The following IQCN variants were observed in gnomAD, a reference collection of about 807,000 sequenced individuals.
The protein encoded by IQCN is IQ motif containing N.
IQCN carries 46 observed loss-of-function variants against 64.4 expected under a neutral mutation model. The ratio of observed to expected loss-of-function variants is 0.71; its 90% confidence interval spans 0.56 to 0.91. The LOEUF is 0.91. Ranked by LOEUF, IQCN falls within the 40% of genes least tolerant of loss-of-function variation. The pLI is 0.00. For missense variants in IQCN, 1,753 were observed against 1,857.4 expected, an observed-to-expected ratio of 0.94 and a Z score of 1.03; for synonymous variants, 733 against 775.6, an observed-to-expected ratio of 0.95 and a Z score of 0.91.
In IQCN at chr19:18,264,830, G is replaced by A. The variant is rs1263762051; in HGVS notation, c.2710C>T (p.Gln904Ter). 5 of 1,572,396 alleles carry A rather than the reference G, an allele frequency of 3.2e-6. No individual in the cohort carries two copies. The highest frequency in any genetic ancestry group is 3.5e-6 in the Non-Finnish European group (4 of 1,158,836). The change falls in exon 3 of 4, where the codon CAG becomes TAG. Residue 904 changes from glutamine (Q) to a stop codon, truncating the protein, a stop_gained. Transcript: ENST00000392413. LOFTEE classifies it high-confidence loss of function. The surrounding 1 kb of genome is among the most constrained non-coding windows in gnomAD (Gnocchi z 4.3). ...LRTLLAKALSQGEVWAALNQA... is the reference protein window; with the variant it reads ...LRTLLAKALS ...TTCAGAGCTGCCCAGACTTCTCCCT[G>A]GGAGAGGGCTTTGGCCAACAGAGTG...
At position 18,266,971 on chromosome 19, in the gene IQCN, T is replaced by C. The variant is rs756118445; in HGVS notation, c.569A>G (p.Lys190Arg). 3 of 1,613,864 alleles carry C rather than the reference T, an allele frequency of 1.9e-6. No individual in the cohort carries two copies. The highest frequency in any genetic ancestry group is 1.7e-5 in the Admixed American group (1 of 60,014). Residue 190 changes from lysine (K) to arginine (R), a missense_variant, in exon 3 of 4, where the codon AAG becomes AGG. Lys to Arg is a conservative substitution (Grantham distance 26). Coordinates refer to ENST00000392413, the MANE Select transcript of IQCN (RefSeq NM_001145304.2). The surrounding 1 kb of genome is among the most constrained non-coding windows in gnomAD (Gnocchi z 4.3). ...GTCACAGGAAGGGAACTGGGTCTCC[T>C]TGTTCACCATGATGGGCGGGGACAG... ...RLLSPPIMVN[K>R]ETQFPSCDNL...
At position 18,265,311 on chromosome 19, in the gene IQCN, C is replaced by T. The variant is rs768422460; in HGVS notation, c.2229G>A (p.Gln743=). Residue 743 remains glutamine, a synonymous_variant, in exon 3 of 4, where the codon CAG becomes CAA. Transcript: ENST00000392413. This position sits in a 1 kb window ranked among gnomAD's most constrained non-coding sequence, Gnocchi z 4.7. ...APLATCLTKT[Q]SRGQPITDIT... is the part of the protein sequence containing the mutation. Reference sequence around the variant, plus strand: ...TGTCTGTGATCGGCTGCCCCCGGGACTGCGTCTTGGTCAGACAGGTGGCTA... The same window carrying T: ...TGTCTGTGATCGGCTGCCCCCGGGATTGCGTCTTGGTCAGACAGGTGGCTA... 2 of 1,614,182 alleles carry T rather than the reference C, an allele frequency of 1.2e-6. No homozygotes were observed. The highest frequency in any genetic ancestry group is 1.1e-5 in the South Asian group (1 of 91,080).
chr19:18,258,252 C>A, intron 3 of IQCN, 146 bp from the exon 4 acceptor site: 1 of 856,824 alleles, frequency 1.2e-6, no homozygotes, highest in Non-Finnish European at 1.9e-6. Flanking sequence ...TAGAGACACC[C>A]TCCGAACTCC....
In IQCN at chr19:18,257,335, G is replaced by A. The variant is rs192651551; in HGVS notation, c.3949C>T (p.Arg1317Cys). The A allele has an allele frequency of 1.1e-5, 17 of 1,613,126 alleles. No homozygotes were observed. Among genetic ancestry groups the A allele is most frequent in the East Asian group, 6.7e-5 (3 of 44,882 alleles). Residue 1317 changes from arginine (R) to cysteine (C), a missense_variant, in exon 4 of 4, where the codon CGC becomes TGC. Arg to Cys is a radical substitution (Grantham distance 180, BLOSUM62 -3). Coordinates refer to ENST00000392413, the MANE Select transcript of IQCN (RefSeq NM_001145304.2). Reference sequence around the variant, plus strand: ...ATTTGCTGCTGCCTCATCTGCTGGCGGATCTTAAAGCCCCTCCAGGCGGAC... The same window carrying A: ...ATTTGCTGCTGCCTCATCTGCTGGCAGATCTTAAAGCCCCTCCAGGCGGAC... ...IQSAWRGFKI[R>C]QQMRQQQMAA... is the part of the protein sequence containing the mutation.
rs562281652 is a variant in IQCN at position 18,258,036 on chromosome 19, G to A, written c.3248C>T (p.Ala1083Val). 1.3e-5 allele frequency: 21 copies of A among 1,612,682 alleles called. No individual in the cohort carries two copies. Among genetic ancestry groups the A allele is most frequent in the African/African-American group, 6.7e-5 (5 of 75,048 alleles). ...NRAWEPARGA[A>V]SWDTWRNKAV... is the part of the protein sequence containing the mutation. ...CTTGTTGCGCCAGGTGTCCCAGGAC[G>A]CAGCACCCCTGGCTGGCTCCCATGC... Residue 1083 changes from alanine to valine, a missense_variant, in exon 4 of 4, where the codon GCG becomes GTG. Ala to Val is a moderately conservative substitution (Grantham distance 64, BLOSUM62 0). Coordinates refer to ENST00000392413, the MANE Select transcript of IQCN (RefSeq NM_001145304.2).
chr19:18,265,024 G>T lies in IQCN; in HGVS notation c.2516C>A (p.Thr839Asn). Residue 839 changes from threonine (T) to asparagine (N), a missense_variant, in exon 3 of 4, where the codon ACC (threonine) becomes AAC (asparagine). Physicochemically the swap from Thr to Asn is moderately conservative, Grantham distance 65. Transcript: ENST00000392413. This position sits in a 1 kb window ranked among gnomAD's most constrained non-coding sequence, Gnocchi z 4.7. The stretch of plus-strand genomic sequence containing the variant: ...CTCAACGTTGCATGTGGAATGGCCG[G>T]TGGGTGCCATCGGCGGCACCAGCAT... ...QGMLVPPMAP[T>N]GHSTCNVESW... 6.2e-7 allele frequency: 1 copy of T among 1,602,946 alleles called. No homozygotes were observed.
rs148731495 is a variant in IQCN, at chr19:18,257,986, C to T, written c.3298G>A (p.Gly1100Arg). Residue 1100 changes from glycine to arginine, a missense_variant, in exon 4 of 4, where the codon GGG becomes AGG. Physicochemically the swap from Gly to Arg is moderately radical, Grantham distance 125 (BLOSUM62 -2). Coordinates refer to ENST00000392413, the MANE Select transcript of IQCN (RefSeq NM_001145304.2). The part of the protein sequence containing the change: ...NKAVVPPRRS[G>R]EPMVSMQAAE... ...GCCTGCATGGACACCATTGGCTCCC[C>T]GGACCGCCTGGGAGGCACCACCGCC... The T allele has an allele frequency of 3.3e-4, 536 of 1,612,434 alleles. 4 individuals are homozygous for T. In the African/African-American group the frequency reaches 3.7e-3, roughly 11 times the overall value.
chr19:18,266,371 G>GAT lies in IQCN; in HGVS notation c.1168_1169insAT (p.Thr390AsnfsTer12). ...GGGCATGGGGCATGTGTGAGGTGCAGTTTTGGTCACTGTGGGCCCCGGATA... is the reference window on the plus strand; with the variant it reads ...GGGCATGGGGCATGTGTGAGGTGCAGATTTTTGGTCACTGTGGGCCCCGGATA... On this transcript the variant is annotated frameshift_variant, in exon 3 of 4. Transcript: ENST00000392413. LOFTEE classifies it high-confidence loss of function. The surrounding 1 kb of genome is among the most constrained non-coding windows in gnomAD (Gnocchi z 4.3). The GAT allele has an allele frequency of 6.2e-7, 1 of 1,609,900 alleles. No homozygotes were observed. Among genetic ancestry groups the GAT allele is most frequent in the Non-Finnish European group, 8.5e-7 (1 of 1,178,190 alleles).
intron 2 of IQCN, 112 bp from the exon 3 acceptor site, chr19:18,267,638 C>T (rs1969632623): frequency 1.2e-5 from 16 of 1,317,850 alleles, no homozygotes; most frequent in South Asian, 5.2e-5. Flanking sequence ...TGGCACGTTG[C>T]GATCTTCCGC....
Position 18,264,041 on chromosome 19 carries a change from G to A in IQCN, c.3177+322C>T, listed in dbSNP as rs569361195. On this transcript the variant is annotated intron_variant, in intron 3 of 3. Coordinates refer to ENST00000392413, the MANE Select transcript of IQCN (RefSeq NM_001145304.2). The surrounding 1 kb of genome is among the most constrained non-coding windows in gnomAD (Gnocchi z 4.3). ...TGGGGCCCTCCCCACTCCCCTCGGG[G>A]TTAAAATCTGATGCCAATGTGCCAG... Among the ~76,000 whole-genome samples, 3 of 152,150 alleles carry A rather than the reference G, an allele frequency of 2.0e-5. No individual in the cohort carries two copies. The highest frequency in any genetic ancestry group is 6.5e-5 in the Admixed American group (1 of 15,278).
In IQCN at chr19:18,265,840, A is replaced by C. The variant is rs1568279694; in HGVS notation, c.1700T>G (p.Val567Gly). 1 of 1,613,846 alleles carries C rather than the reference A, an allele frequency of 6.2e-7. No individual in the cohort carries two copies. The highest frequency in any genetic ancestry group is 1.7e-5 in the Admixed American group (1 of 60,004). Residue 567 changes from valine to glycine, a missense_variant, in exon 3 of 4, where the codon GTG becomes GGG. Physicochemically the swap from Val to Gly is moderately radical, Grantham distance 109. Coordinates refer to ENST00000392413, the MANE Select transcript of IQCN (RefSeq NM_001145304.2). This position sits in a 1 kb window ranked among gnomAD's most constrained non-coding sequence, Gnocchi z 4.7. Reference protein sequence around the residue: ...TVNVKQAAKVVKASSPSYLAE... With the variant: ...TVNVKQAAKVGKASSPSYLAE... ...CAAATAGGAGGGGGATGAGGCTTTC[A>C]CCACCTTTGCAGCCTGCTTCACATT...
At chr19:18,263,849 C>T (rs1211771893) in intron 3 of IQCN, among the ~76,000 whole-genome samples, 1 of 152,196 alleles carries the variant, frequency 6.6e-6, no homozygotes, top group East Asian at 1.9e-4. Context: ...CCCTGCCCTC[C>T]CTGGTCGATA....
In IQCN at chr19:18,257,435, C is replaced by A; in HGVS notation, c.3849G>T (p.Trp1283Cys). 1 of 1,609,688 alleles carries A rather than the reference C, an allele frequency of 6.2e-7. No individual in the cohort carries two copies. The change falls in exon 4 of 4, where the codon TGG becomes TGT. Residue 1283 changes from tryptophan (W) to cysteine (C), a missense_variant. Physicochemically the swap from Trp to Cys is radical, Grantham distance 215. Transcript: ENST00000392413. ...GGGCAGCCAGCTGGTAGGCGGAGGC[C>A]CAAGACACTGCCCCGGGGCCCTCAG... ...QGTEGPGAVS[W>C]ASAYQLAALS...
In IQCN at chr19:18,266,182, G is replaced by T; in HGVS notation, c.1358C>A (p.Thr453Asn). 1.9e-6 allele frequency: 3 copies of T among 1,614,150 alleles called. No homozygotes were observed. In the South Asian group the frequency reaches 3.3e-5, roughly 18 times the overall value. ...GGTGACCGGGTGCATCTGGGGTGGG[G>T]TCTTTGCCATCGCAGGCCCCGGGCA... The part of the protein sequence containing the change: ...QVCPGPAMAK[T>N]PPQMHPVTTP... Residue 453 changes from threonine to asparagine, a missense_variant, in exon 3 of 4, where the codon ACC (threonine) becomes AAC (asparagine). Coordinates refer to ENST00000392413, the MANE Select transcript of IQCN (RefSeq NM_001145304.2). The surrounding 1 kb of genome is among the most constrained non-coding windows in gnomAD (Gnocchi z 4.3).
At chr19:18,259,640 CAG>C (rs1297417797) in intron 3 of IQCN, 1 of 152,312 alleles carries the variant, frequency 6.6e-6, no homozygotes, top group East Asian at 1.9e-4. Flanking sequence ...CCCTGCTCTT[CAG>C]AGAGTCCTGC....
chr19:18,260,602 G>C (rs1969404487), intron 3 of IQCN: 1 of 153,022 alleles, frequency 6.5e-6, no homozygotes, highest in Non-Finnish European at 1.5e-5. Context: ...GGCTCGGCTA[G>C]GCTGGAGGCT....
At position 18,264,036 on chromosome 19, in the gene IQCN, T is replaced by C; in HGVS notation, c.3177+327A>G. Among the ~76,000 whole-genome samples the C allele has an allele frequency of 6.6e-6, 1 of 152,016 alleles. No homozygotes were observed. Among genetic ancestry groups the C allele is most frequent in the East Asian group, 1.9e-4 (1 of 5,186 alleles). On this transcript the variant is annotated intron_variant, in intron 3 of 3. Coordinates refer to ENST00000392413, the MANE Select transcript of IQCN (RefSeq NM_001145304.2). This position sits in a 1 kb window ranked among gnomAD's most constrained non-coding sequence, Gnocchi z 4.3. ...CAAACTGGGGCCCTCCCCACTCCCC[T>C]CGGGGTTAAAATCTGATGCCAATGT...
chr19:18,270,416 T>C (rs1326957971), intron 1 of IQCN, among the ~76,000 whole-genome samples: 2 of 149,062 alleles, frequency 1.3e-5, no homozygotes, highest in Non-Finnish European at 3.0e-5. Context: ...CCCCAGCAAT[T>C]TGGAAGGCCA....
chr19:18,269,383 G>A (rs945683730), intron 2 of IQCN, 83 bp downstream of exon 2: 28 of 1,424,262 alleles, frequency 2.0e-5, no homozygotes, highest in Admixed American at 1.0e-4. Context: ...TGCATAGCCT[G>A]GAGCACAGCA....
Sources: allele counts gnomAD v4.1 joint callset (sites outside exome capture counted in the v4.1 genomes callset), GRCh38; gene constraint gnomAD v4.1.1; non-coding constraint Gnocchi (gnomAD v3.1); transcripts MANE v1.5; gene names NCBI Gene and HGNC (gene_info 2026-07-23, HGNC 2026-07-21).